Variants in SEC31A observed in about 807,000 individuals in gnomAD.
The protein encoded by SEC31A is protein transport protein Sec31A.
SEC31A carries 70 observed loss-of-function variants against 151.0 expected under a neutral mutation model. The observed-to-expected ratio is 0.46, with a 90% CI of 0.38 to 0.57. The LOEUF is 0.57. SEC31A is among the 20% of genes least tolerant of loss of function. The pLI is 0.00. For missense variants in SEC31A, 1,330 were observed against 1,471.2 expected (o/e 0.90, Z 1.57); for synonymous variants, 475 against 505.9 (o/e 0.94, Z 0.82).
intron 25 of SEC31A, among the ~76,000 whole-genome samples, chr4:82,824,041 A>T (rs7662992): frequency 0.66 from 100,406 of 152,102 alleles, 35,933 homozygotes; most frequent in Non-Finnish European, 0.79. Context: ...GGTTATTGTG[A>T]AGATTAAGTA....
intron 1 of SEC31A, among the ~76,000 whole-genome samples, chr4:82,886,412 T>C (rs1740723025): frequency 6.6e-6 from 1 of 152,206 alleles, no homozygotes; most frequent in African/African-American, 2.4e-5. Flanking sequence ...CATGGGATGC[T>C]GTGAGGTTCC....
In SEC31A at chr4:82,822,021, C is replaced by CT. The variant is rs1384958718; in HGVS notation, c.3412-914dup. On this transcript the variant is annotated intron_variant, in intron 25 of 26. Transcript: ENST00000395310. ...TAAAATAAATTATTAAATTAAAAAG[C>CT]TTTTTTTTCTCTCTACCATAGCACT... 2.6e-5 allele frequency among the ~76,000 whole-genome samples: 4 copies of CT among 151,996 alleles called. No homozygotes were observed. In the East Asian group the frequency reaches 7.7e-4, roughly 29 times the overall value.
At chr4:82,825,411 G>T (rs116462247) in intron 24 of SEC31A, among the ~76,000 whole-genome samples, 2 of 152,188 alleles carry the variant, frequency 1.3e-5, no homozygotes, top group Admixed American at 6.5e-5. Flanking sequence ...ACGTTAACAC[G>T]TAGTGGAAAC....
chr4:82,840,636 T>G (rs759723551), intron 22 of SEC31A, among the ~76,000 whole-genome samples: 1 of 152,122 alleles, frequency 6.6e-6, no homozygotes, highest in African/African-American at 2.4e-5. Context: ...CATCACAGAG[T>G]GCACTTACAC....
intron 14 of SEC31A, chr4:82,858,112 C>G (rs1225096079): frequency 1.1e-5 from 2 of 181,824 alleles, no homozygotes; most frequent in African/African-American, 4.8e-5. Context: ...AACCCCATAT[C>G]TACTAAAAAT....
intron 22 of SEC31A, among the ~76,000 whole-genome samples, chr4:82,832,849 A>G (rs2149082754): frequency 6.6e-6 from 1 of 152,350 alleles, no homozygotes; most frequent in South Asian, 2.1e-4. Flanking sequence ...TCAAAACCAC[A>G]GTGAGATACT....
In SEC31A at chr4:82,874,631, C is replaced by T. The variant is rs1737513888; in HGVS notation, c.619G>A (p.Val207Ile). 2 of 1,610,042 alleles carry T rather than the reference C, an allele frequency of 1.2e-6. No individual in the cohort carries two copies. The highest frequency in any genetic ancestry group is 1.3e-5 in the African/African-American group (1 of 74,732). The change falls in exon 6 of 27, where the codon GTC (valine) becomes ATC (isoleucine). Residue 207 changes from valine (V) to isoleucine (I), a missense_variant. Physicochemically the swap from Val to Ile is conservative, Grantham distance 29. Transcript: ENST00000395310. ...CTTACTCTGTTACTATGGTCACTGA[C>T]TTTGATGATTGGCTCATTTTTTCTA... is the stretch of plus-strand genomic sequence containing the variant. The part of the protein sequence containing the change: ...DLRKNEPIIK[V>I]SDHSNRMHCS...
intron 19 of SEC31A, 21 bp from the exon 20 acceptor site, chr4:82,848,998 A>G: frequency 2.5e-6 from 4 of 1,607,996 alleles, no homozygotes; most frequent in Non-Finnish European, 3.4e-6. Context: ...TTGGAAAAAC[A>G]GCAGACTGTT....
intron 22 of SEC31A, chr4:82,829,412 AC>A (rs1326644439): frequency 5.8e-6 from 1 of 172,832 alleles, no homozygotes; most frequent in East Asian, 1.5e-4. Flanking sequence ...TGCTAAAAAA[AC>A]AAAAACAAAC....
chr4:82,854,152 T>C (rs1433477688), intron 17 of SEC31A, among the ~76,000 whole-genome samples: 11 of 152,048 alleles, frequency 7.2e-5, no homozygotes, highest in African/African-American at 2.7e-4. Context: ...TCAGCAGAGG[T>C]CAGGAGTTCA....
chr4:82,849,007 T>C lies in SEC31A; in HGVS notation c.2329-30A>G, dbSNP rs747593971. The C allele has an allele frequency of 9.4e-6, 15 of 1,598,204 alleles. No homozygotes were observed. In the South Asian group the frequency reaches 1.5e-4, roughly 15 times the overall value. Reference sequence around the variant, plus strand: ...AAAGGATTGGAAAAACAGCAGACTGTTGAGAGTTCACCCAGGTATATGACA... The same window carrying C: ...AAAGGATTGGAAAAACAGCAGACTGCTGAGAGTTCACCCAGGTATATGACA... On this transcript the variant is annotated intron_variant, in intron 19 of 26. Coordinates refer to ENST00000395310, the MANE Select transcript of SEC31A (RefSeq NM_001077207.4).
chr4:82,861,099 A>C (rs2149475102), intron 14 of SEC31A, among the ~76,000 whole-genome samples: 1 of 151,718 alleles, frequency 6.6e-6, no homozygotes, highest in African/African-American at 2.4e-5. Context: ...GAAAATTAAA[A>C]GGAAAAATTA....
At chr4:82,852,574 G>C (rs1359774971) in intron 18 of SEC31A, among the ~76,000 whole-genome samples, 1 of 139,918 alleles carries the variant, frequency 7.1e-6, no homozygotes, top group African/African-American at 2.9e-5. Context: ...GGAAAACCTT[G>C]ATTTCCTACC....
upstream of SEC31A, chr4:82,891,284 C>A (rs1044020188): frequency 1.2e-5 from 13 of 1,117,112 alleles, no homozygotes; most frequent in Non-Finnish European, 1.5e-5. Context: ...GACGCACAGC[C>A]CGCCACGGCA....
chr4:82,862,691 G>T, intron 12 of SEC31A, 119 bp from the exon 13 acceptor site: 1 of 791,058 alleles, frequency 1.3e-6, no homozygotes, highest in Non-Finnish European at 2.1e-6. Flanking sequence ...GGAATAGTAT[G>T]TTTAAAAAAA....
intron 19 of SEC31A, among the ~76,000 whole-genome samples, chr4:82,849,789 T>C (rs140281908): frequency 6.6e-6 from 1 of 152,164 alleles, no homozygotes; most frequent in African/African-American, 2.4e-5. Context: ...TCTACATGCA[T>C]AGAGACTTAC....
intron 25 of SEC31A, among the ~76,000 whole-genome samples, chr4:82,822,985 AAAAC>A (rs1723708332): frequency 1.3e-5 from 2 of 152,278 alleles, no homozygotes; most frequent in Middle Eastern, 6.8e-3. Flanking sequence ...AAAAAAAAGA[AAAAC>A]AAAGTTAACC....
intron 14 of SEC31A, among the ~76,000 whole-genome samples, chr4:82,860,732 C>T (rs1370001735): frequency 6.6e-6 from 1 of 152,088 alleles, no homozygotes; most frequent in Non-Finnish European, 1.5e-5. Context: ...ACCTTGGCCT[C>T]CCAAAGTGCT....
upstream of SEC31A, among the ~76,000 whole-genome samples, chr4:82,891,458 G>A (rs1464987470): frequency 5.3e-5 from 8 of 152,316 alleles, no homozygotes; most frequent in South Asian, 2.1e-4. Context: ...TAGTGCAGAG[G>A]GTGTCCCCGT....
Sources: gnomAD v4.1 joint callset for allele counts (sites outside exome capture counted in the v4.1 genomes callset) on GRCh38, gnomAD v4.1.1 for gene constraint, MANE v1.5 for transcripts, NCBI Gene and HGNC (gene_info 2026-07-23, HGNC 2026-07-21) for gene names.